The following MATR3 variants were observed in gnomAD, a reference collection of about 807,000 sequenced individuals.
The protein encoded by MATR3 is matrin-3.
Under a neutral mutation model 85.5 loss-of-function variants are expected in MATR3, and 4 were observed. That is an observed-to-expected ratio of 0.05 (90% CI 0.02 to 0.11). The LOEUF (loss-of-function observed/expected upper bound fraction) is 0.11, where lower values mean the gene tolerates loss of function less well. Ranked by LOEUF, MATR3 falls within the 10% of genes least tolerant of loss-of-function variation. The pLI, the probability that MATR3 is intolerant of heterozygous loss-of-function variation, is 1.00. For synonymous variants in MATR3, 336 were observed against 343.1 expected (o/e 0.98, Z 0.23); for missense variants, 685 against 1,016.1 (o/e 0.67, Z 4.43).
chr5:139,327,303 TG>T (rs947038865), intron 14 of MATR3, among the ~76,000 whole-genome samples: 6 of 147,892 alleles, frequency 4.1e-5, no homozygotes, highest in East Asian at 1.9e-4. Context: ...GTGTCACTTC[TG>T]TTTTTTTTTT....
In MATR3 at chr5:139,329,602, A is replaced by C. The variant is rs1231587719; in HGVS notation, c.*207A>C. 3.5e-6 allele frequency: 2 copies of C among 569,410 alleles called. No homozygotes were observed. Among genetic ancestry groups the C allele is most frequent in the Non-Finnish European group, 6.6e-6 (2 of 304,104 alleles). The allele number at this position is 569,410 out of a possible 1,614,324, so 35.3% of individuals were successfully genotyped here. A position where few individuals can be genotyped will look rare whatever the true frequency, so the allele number is the denominator to read the frequency against. On this transcript the variant is annotated 3_prime_UTR_variant, in exon 15 of 15. Transcript: ENST00000394805. ...TAAGTTAATGAATAGTTTTTGTTTTATCAGAATGGCAACAGACAGAAGTAC... is the reference window on the plus strand; with the variant it reads ...TAAGTTAATGAATAGTTTTTGTTTTCTCAGAATGGCAACAGACAGAAGTAC...
chr5:139,294,316 C>CT (rs567142309), intron 1 of MATR3, among the ~76,000 whole-genome samples: 140 of 152,248 alleles, frequency 9.2e-4, no homozygotes, highest in African/African-American at 3.2e-3. Context: ...ACCCGTTCGC[C>CT]TTTTTTTCTC....
chr5:139,283,295 TCTC>T (rs904961039), intron 3 of MATR3: 10 of 152,196 alleles, frequency 6.6e-5, no homozygotes, highest in African/African-American at 1.7e-4. Flanking sequence ...TGGTAGAACT[TCTC>T]CTTCTCAGTA....
intron 5 of MATR3, 92 bp downstream of exon 5, chr5:139,316,280 T>G: frequency 1.0e-6 from 1 of 959,508 alleles, no homozygotes; most frequent in Non-Finnish European, 1.6e-6. Flanking sequence ...GGTTTTGCTC[T>G]TATCGCCCAG....
intron 1 of MATR3, among the ~76,000 whole-genome samples, chr5:139,302,581 T>TAAAAAAAAA (rs1156298249): frequency 3.3e-5 from 5 of 152,200 alleles, no homozygotes; most frequent in Non-Finnish European, 7.3e-5. Context: ...GTTCTTGAAT[T>TAAAAAAAAA]GAAAATAAGT....
chr5:139,287,734 C>T (rs1454511582), intron 3 of MATR3, among the ~76,000 whole-genome samples: 1 of 152,194 alleles, frequency 6.6e-6, no homozygotes, highest in Non-Finnish European at 1.5e-5. Context: ...CTGATGCACA[C>T]CCACTCCCAC....
chr5:139,312,473 A>G (rs1480609990), intron 2 of MATR3: 1 of 152,202 alleles, frequency 6.6e-6, no homozygotes, highest in Non-Finnish European at 1.5e-5. Flanking sequence ...TAGATATCCC[A>G]AATAGCTGAT....
chr5:139,318,224 C>G (rs2151992844), intron 7 of MATR3, among the ~76,000 whole-genome samples: 1 of 151,956 alleles, frequency 6.6e-6, no homozygotes, highest in East Asian at 1.9e-4. Context: ...ACCTTCGCCT[C>G]CTGTGTTCAA....
In MATR3 at chr5:139,307,062, CTA is replaced by C. The variant is rs950321321; in HGVS notation, c.-177-173_-177-172del. ...GCATGAAATACTACTTTTTAAATATCTATATGCAGGCTCTGCATACATCAGGA... is the reference window on the plus strand; with the variant it reads ...GCATGAAATACTACTTTTTAAATATCTATGCAGGCTCTGCATACATCAGGA... On this transcript the variant is annotated intron_variant, in intron 1 of 14. Coordinates refer to ENST00000394805, the MANE Select transcript of MATR3 (RefSeq NM_018834.6). This position sits in a 1 kb window ranked among gnomAD's most constrained non-coding sequence, Gnocchi z 4.4. Among the ~76,000 whole-genome samples the C allele has an allele frequency of 1.3e-5, 2 of 151,896 alleles. No individual in the cohort carries two copies. The highest frequency in any genetic ancestry group is 1.3e-4 in the Admixed American group (2 of 15,262).
At chr5:139,313,124 C>G (rs1285802218) in intron 2 of MATR3, 2 of 149,032 alleles carry the variant, frequency 1.3e-5, no homozygotes, top group Non-Finnish European at 3.0e-5. Context: ...GTACCTTACT[C>G]TAATTTAGTT....
chr5:139,301,756 G>A (rs1561929652), intron 1 of MATR3, among the ~76,000 whole-genome samples: 1 of 152,140 alleles, frequency 6.6e-6, no homozygotes, highest in Non-Finnish European at 1.5e-5. Context: ...TTGTAATACG[G>A]GTTTACTTCA....
intron 1 of MATR3, among the ~76,000 whole-genome samples, chr5:139,275,944 C>T (rs74740098): frequency 1.9e-3 from 295 of 152,306 alleles, no homozygotes; most frequent in African/African-American, 6.9e-3. Flanking sequence ...TATTGAACTG[C>T]TGTGGTGTAT....
chr5:139,294,764 G>C (rs1374776297), intron 1 of MATR3: 1 of 152,222 alleles, frequency 6.6e-6, no homozygotes, highest in Non-Finnish European at 1.5e-5. Context: ...CCGTGGTGTA[G>C]TCGCCGCATC....
Position 139,330,944 on chromosome 5 carries a change from C to T in MATR3, c.*1549C>T, listed in dbSNP as rs1310104626. ...TAGCTGGGACTACAGGCTCATGCCA[C>T]TATACCTGGCTAGTTTTTGGTTTTT... is the stretch of plus-strand genomic sequence containing the variant. On this transcript the variant is annotated 3_prime_UTR_variant, in exon 15 of 15. Transcript: ENST00000394805. 6.6e-6 allele frequency: 3 copies of T among 453,940 alleles called. No individual in the cohort carries two copies. Among genetic ancestry groups the T allele is most frequent in the Non-Finnish European group, 4.4e-6 (1 of 226,786 alleles). 28.1% of individuals were successfully genotyped at this position (453,940 alleles called of 1,614,324 possible). A position where few individuals can be genotyped will look rare whatever the true frequency, so the allele number is the denominator to read the frequency against.
intron 3 of MATR3, among the ~76,000 whole-genome samples, chr5:139,286,936 G>C (rs1056542166): frequency 3.3e-5 from 5 of 151,872 alleles, no homozygotes; most frequent in African/African-American, 1.2e-4. Context: ...AGACTCCTGA[G>C]CTCCATGAGA....
chr5:139,323,002 CATTAG>C lies in MATR3; in HGVS notation c.2148+38_2148+42del, dbSNP rs769098880. On this transcript the variant is annotated intron_variant, in intron 12 of 14. Transcript: ENST00000394805. ...GATACATTGATTTGTTTTAATAGAACATTAGATCAGATCAGTATTTCAAGTTATTT... is the reference window on the plus strand; with the variant it reads ...GATACATTGATTTGTTTTAATAGAACATCAGATCAGTATTTCAAGTTATTT... 12 of 1,568,582 alleles carry C rather than the reference CATTAG, an allele frequency of 7.7e-6. No individual in the cohort carries two copies. In the East Asian group the frequency reaches 2.0e-4, roughly 26 times the overall value.
intron 9 of MATR3, 53 bp from the exon 10 acceptor site, chr5:139,321,845 T>A: frequency 6.3e-7 from 1 of 1,580,034 alleles, no homozygotes; most frequent in Non-Finnish European, 8.6e-7. Context: ...TAAGGTTTTA[T>A]ACAATTTTGT....
Position 139,307,626 on chromosome 5 carries a change from A to G in MATR3, c.211A>G (p.Ser71Gly), listed in dbSNP as rs768446810. 1.9e-6 allele frequency: 3 copies of G among 1,614,194 alleles called. No homozygotes were observed. The Admixed American group carries it at 5.0e-5, about 27-fold the overall frequency. Residue 71 changes from serine to glycine, a missense_variant, in exon 2 of 15, where the codon AGT becomes GGT. By Grantham distance (56) the Ser-to-Gly change is moderately conservative. This residue lies in a region of MATR3 where 57 missense variants were observed against 68.6 expected (regional missense o/e 0.83). Coordinates refer to ENST00000394805, the MANE Select transcript of MATR3 (RefSeq NM_018834.6). The surrounding 1 kb of genome is among the most constrained non-coding windows in gnomAD (Gnocchi z 4.4). The part of the protein sequence containing the change: ...SSSLNQQGAH[S>G]ALSSASTSSH... ...TTCATTGAATCAACAAGGAGCTCAT[A>G]GTGCACTGTCTTCTGCTAGTACTTC...
chr5:139,297,444 A>T (rs1754213720), intron 1 of MATR3, among the ~76,000 whole-genome samples: 1 of 152,236 alleles, frequency 6.6e-6, no homozygotes, highest in African/African-American at 2.4e-5. Context: ...AATTTAATGG[A>T]TAATTAAAAG....
Sources: gnomAD v4.1 joint callset for allele counts (sites outside exome capture counted in the v4.1 genomes callset) on GRCh38, gnomAD v4.1.1 for gene constraint, gnomAD v4.1.1 regional missense constraint, Gnocchi (gnomAD v3.1) non-coding constraint, MANE v1.5 for transcripts, NCBI Gene and HGNC (gene_info 2026-07-23, HGNC 2026-07-21) for gene names.